Variants in DPY19L3 observed in about 807,000 individuals in gnomAD.
DPY19L3 encodes protein C-mannosyl-transferase DPY19L3.
A neutral mutation model predicts 92.3 loss-of-function variants in DPY19L3; 51 were observed. The observed-to-expected ratio is 0.55, with a 90% CI of 0.44 to 0.70. The LOEUF (loss-of-function observed/expected upper bound fraction) is 0.70, where lower values mean the gene tolerates loss of function less well. DPY19L3 is among the 30% of genes least tolerant of loss of function. The pLI is 0.00. For synonymous variants in DPY19L3, 309 were observed against 315.2 expected (o/e 0.98, Z 0.21); for missense variants, 706 against 855.9 (o/e 0.82, Z 2.18).
intron 7 of DPY19L3, 134 bp from the exon 8 acceptor site, chr19:32,439,642 A>G (rs889723409): frequency 7.8e-5 from 66 of 847,468 alleles, no homozygotes; most frequent in Non-Finnish European, 1.0e-4. Flanking sequence ...TAACAAATGC[A>G]AGGGTTTTCA....
chr19:32,468,408 A>C (rs1970259029), intron 15 of DPY19L3: 7 of 1,025,778 alleles, frequency 6.8e-6, no homozygotes, highest in Non-Finnish European at 7.0e-6. Flanking sequence ...CATTCTTGTC[A>C]TGTCAAAATA....
intron 16 of DPY19L3, among the ~76,000 whole-genome samples, chr19:32,476,050 A>G (rs551861229): frequency 6.6e-6 from 1 of 152,242 alleles, no homozygotes; most frequent in East Asian, 1.9e-4. Context: ...AAAATCTTGA[A>G]TTTTTCAAAA....
Position 32,482,379 on chromosome 19 carries a change from A to T in DPY19L3, c.*139A>T. 1 of 948,900 alleles carries T rather than the reference A, an allele frequency of 1.1e-6. No individual in the cohort carries two copies. The highest frequency in any genetic ancestry group is 1.5e-6 in the Non-Finnish European group (1 of 646,376). The allele number at this position is 948,900 out of a possible 1,614,324, so 58.8% of individuals were successfully genotyped here. A position where few individuals can be genotyped will look rare whatever the true frequency, so the allele number is the denominator to read the frequency against. On this transcript the variant is annotated 3_prime_UTR_variant, in exon 19 of 19. Transcript: ENST00000392250. ...GAGTAAGTTCTACAGATGTTTACACAAGTGTTGCCATCTTTGAAAGCATCT... is the reference window on the plus strand; with the variant it reads ...GAGTAAGTTCTACAGATGTTTACACTAGTGTTGCCATCTTTGAAAGCATCT...
At chr19:32,463,725 A>G (rs1970113380) in intron 13 of DPY19L3, 144 bp from the exon 14 acceptor site, 2 of 883,996 alleles carry the variant, frequency 2.3e-6, no homozygotes, top group Admixed American at 2.3e-5. Context: ...GAGTTAAACA[A>G]CGAACCCTTC....
chr19:32,453,151 T>C lies in DPY19L3; in HGVS notation c.862T>C (p.Trp288Arg), dbSNP rs541650176. Residue 288 changes from tryptophan to arginine, a missense_variant, in exon 9 of 19, where the codon TGG (tryptophan) becomes CGG (arginine). Coordinates refer to ENST00000392250, the MANE Select transcript of DPY19L3 (RefSeq NM_001172774.2). ...TAATCTTTGGTTCTTGCAGGCGACA[T>C]GGCTGTATGGAATACAGATAACAAG... is the stretch of plus-strand genomic sequence containing the variant. ...LDMLPAVKAT[W>R]LYGIQITSLL... The C allele has an allele frequency of 4.3e-6, 7 of 1,613,836 alleles. No individual in the cohort carries two copies. The South Asian group carries it at 6.6e-5, about 15-fold the overall frequency.
intron 16 of DPY19L3, among the ~76,000 whole-genome samples, chr19:32,473,777 A>G (rs887049150): frequency 3.9e-5 from 6 of 152,234 alleles, no homozygotes; most frequent in African/African-American, 1.4e-4. Context: ...CTCAGAAGTC[A>G]GTCATTTTCA....
intron 3 of DPY19L3, among the ~76,000 whole-genome samples, chr19:32,422,629 A>ACAC (rs140226412): frequency 2.2e-4 from 32 of 146,826 alleles, no homozygotes; most frequent in East Asian, 1.4e-3. Context: ...AATCAGGAAA[A>ACAC]ACACACACAC....
chr19:32,472,137 G>A (rs755332053), intron 16 of DPY19L3, among the ~76,000 whole-genome samples: 1 of 152,170 alleles, frequency 6.6e-6, no homozygotes, highest in Non-Finnish European at 1.5e-5. Flanking sequence ...AGCAAGTTCA[G>A]TGGGAAAGTT....
In DPY19L3 at chr19:32,466,334, G is replaced by C. The variant is rs542399152; in HGVS notation, c.1614+1550G>C. Among the ~76,000 whole-genome samples the C allele has an allele frequency of 2.4e-4, 36 of 152,268 alleles. No individual in the cohort carries two copies. The East Asian group carries it at 6.0e-3, about 25-fold the overall frequency. On this transcript the variant is annotated intron_variant, in intron 15 of 18. Coordinates refer to ENST00000392250, the MANE Select transcript of DPY19L3 (RefSeq NM_001172774.2). ...CCAGACCTACCGAATCAGAAGCCTG[G>C]GAGTCCAGTACAGAAATAGGCATTT...
intron 8 of DPY19L3, among the ~76,000 whole-genome samples, chr19:32,445,481 T>C (rs1969468699): frequency 8.1e-6 from 1 of 123,448 alleles, no homozygotes; most frequent in Admixed American, 8.9e-5. Context: ...TACACTCCTA[T>C]ACCTAGTTAA....
intron 8 of DPY19L3, among the ~76,000 whole-genome samples, chr19:32,452,848 C>T (rs1404163029): frequency 6.7e-6 from 1 of 150,250 alleles, no homozygotes; most frequent in Non-Finnish European, 1.5e-5. Context: ...CACGAGCCAC[C>T]ACGCCTAGCT....
Position 32,436,579 on chromosome 19 carries a change from G to T in DPY19L3, c.450+12G>T. On this transcript the variant is annotated intron_variant, in intron 5 of 18. Transcript: ENST00000392250. ...TTCTACCCATACAGGTATGTTTTGT[G>T]ATATTGAATTATTAATATCAGATGA... 6.8e-7 allele frequency: 1 copy of T among 1,464,420 alleles called. No homozygotes were observed. The highest frequency in any genetic ancestry group is 9.1e-7 in the Non-Finnish European group (1 of 1,097,004). The allele number at this position is 1,464,420 out of a possible 1,614,324, so 90.7% of individuals were successfully genotyped here.
intron 10 of DPY19L3, among the ~76,000 whole-genome samples, chr19:32,456,036 A>G (rs1969852753): frequency 6.6e-6 from 1 of 152,126 alleles, no homozygotes; most frequent in Non-Finnish European, 1.5e-5. Flanking sequence ...CTATCAAAGA[A>G]AAAAAAGACT....
intron 15 of DPY19L3, chr19:32,467,586 A>G: frequency 1.0e-6 from 1 of 987,624 alleles, no homozygotes; most frequent in Non-Finnish European, 1.2e-6. Context: ...GATGACCAAA[A>G]AAACAGTGAT....
intron 3 of DPY19L3, among the ~76,000 whole-genome samples, chr19:32,416,672 C>G (rs28729153): frequency 0.16 from 24,387 of 152,210 alleles, 1,993 homozygotes; most frequent in South Asian, 0.17. Context: ...TTCGAGGGTC[C>G]CATTGGAAGC....
chr19:32,446,971 C>A (rs1352279493), intron 8 of DPY19L3, among the ~76,000 whole-genome samples: 1 of 152,086 alleles, frequency 6.6e-6, no homozygotes, highest in Non-Finnish European at 1.5e-5. Context: ...CATAAAACAA[C>A]GACAAACATA....
chr19:32,483,109 G>A lies in DPY19L3; in HGVS notation c.*869G>A, dbSNP rs1664436827. 6.6e-6 allele frequency: 1 copy of A among 152,000 alleles called. No individual in the cohort carries two copies. The highest frequency in any genetic ancestry group is 2.4e-5 in the African/African-American group (1 of 41,388). The allele number at this position is 152,000 out of a possible 1,614,324, so 9.4% of individuals were successfully genotyped here. On this transcript the variant is annotated 3_prime_UTR_variant, in exon 19 of 19. Transcript: ENST00000392250. The stretch of plus-strand genomic sequence containing the variant: ...GTTTGCAAAATTTTGTAAACTTTTT[G>A]TGTTTTTAGCCTTTGTATTTTTTAC...
intron 3 of DPY19L3, chr19:32,427,939 A>G (rs1328595515): frequency 8.5e-6 from 1 of 117,878 alleles, no homozygotes; most frequent in African/African-American, 3.2e-5. Context: ...CAGTCTAATT[A>G]TTTTGGGGGA....
intron 16 of DPY19L3, among the ~76,000 whole-genome samples, chr19:32,475,642 G>A (rs1053230581): frequency 1.3e-5 from 2 of 152,232 alleles, no homozygotes; most frequent in Non-Finnish European, 2.9e-5. Context: ...AAGGCCCAGA[G>A]TAAGTGTTTA....
Sources: allele counts gnomAD v4.1 joint callset (sites outside exome capture counted in the v4.1 genomes callset), GRCh38; gene constraint gnomAD v4.1.1; transcripts MANE v1.5; gene names NCBI Gene and HGNC (gene_info 2026-07-23, HGNC 2026-07-21).